Variants in CNTNAP3 observed in about 807,000 individuals in gnomAD.
CNTNAP3 encodes the protein contactin-associated protein-like 3.
A neutral mutation model predicts 92.1 loss-of-function variants in CNTNAP3; 36 were observed. The observed-to-expected ratio is 0.39, with a 90% CI of 0.30 to 0.52. The LOEUF (loss-of-function observed/expected upper bound fraction) is 0.52. Ranked by LOEUF, CNTNAP3 falls within the 20% of genes least tolerant of loss-of-function variation. The pLI is 0.76. For missense variants in CNTNAP3, 534 were observed against 1,069.6 expected (o/e 0.50, Z 6.98); for synonymous variants, 232 against 422.3 (o/e 0.55, Z 5.53).
At chr9:39,122,844 G>A (rs1416595455) in intron 13 of CNTNAP3, among the ~76,000 whole-genome samples, 1 of 151,960 alleles carries the variant, frequency 6.6e-6, no homozygotes, top group East Asian at 1.9e-4. Flanking sequence ...TGAAAAAGTG[G>A]GCAACATGCA....
At chr9:39,118,405 T>A in intron 13 of CNTNAP3, 146 bp from the exon 14 acceptor site, 1 of 1,189,318 alleles carries the variant, frequency 8.4e-7, no homozygotes, top group Non-Finnish European at 1.2e-6. Flanking sequence ...ACTTGTATTT[T>A]ACCTCTGAAA....
At position 39,150,011 on chromosome 9, in the gene CNTNAP3, C is replaced by A. The variant is rs774407879; in HGVS notation, c.1478-34G>T. 4 of 1,606,176 alleles carry A rather than the reference C, an allele frequency of 2.5e-6. No homozygotes were observed. In the African/African-American group the frequency reaches 4.0e-5, roughly 16 times the overall value. ...GAAGACAAAAATAGGACAAAAGCAA[C>A]AACTATGACAAAACTATTCCACAGT... On this transcript the variant is annotated intron_variant, in intron 9 of 23. Coordinates refer to ENST00000297668, the MANE Select transcript of CNTNAP3 (RefSeq NM_033655.5).
rs144021708 is a variant in CNTNAP3, at chr9:39,105,785, G to T, written c.2366-1871C>A. ...GGTGTTTAGAAGCCGAGATCTGCAG[G>T]CTATTTACTAGGGTGTCATTGCTTC... is the stretch of plus-strand genomic sequence containing the variant. On this transcript the variant is annotated intron_variant, in intron 15 of 23. Coordinates refer to ENST00000297668, the MANE Select transcript of CNTNAP3 (RefSeq NM_033655.5). Among the ~76,000 whole-genome samples, 4 of 151,640 alleles carry T rather than the reference G, an allele frequency of 2.6e-5. No individual in the cohort carries two copies. The South Asian group carries it at 6.3e-4, about 24-fold the overall frequency.
intron 17 of CNTNAP3, among the ~76,000 whole-genome samples, chr9:39,100,685 G>T (rs1012962516): frequency 1.2e-3 from 189 of 152,164 alleles, no homozygotes; most frequent in Non-Finnish European, 2.2e-4. Context: ...AGTTGGAAGG[G>T]GTGACACCGT....
At chr9:39,119,505 A>G (rs1237163657) in intron 13 of CNTNAP3, among the ~76,000 whole-genome samples, 1 of 152,196 alleles carries the variant, frequency 6.6e-6, no homozygotes, top group Non-Finnish European at 1.5e-5. Context: ...TTTAAAAGTT[A>G]CCGACTTCAC....
intron 9 of CNTNAP3, among the ~76,000 whole-genome samples, chr9:39,157,698 G>GA (rs889981934): frequency 5.8e-5 from 1 of 17,164 alleles, no homozygotes; most frequent in African/African-American, 2.3e-4. Flanking sequence ...AAGGATTCTG[G>GA]AAAAAAAAAT....
At chr9:39,140,373 G>T (rs1338673561) in intron 12 of CNTNAP3, 146 bp downstream of exon 12, 3 of 1,319,610 alleles carry the variant, frequency 2.3e-6, no homozygotes, top group South Asian at 1.7e-5. Context: ...AGAAAATTTT[G>T]TTGACAACAA....
intron 15 of CNTNAP3, among the ~76,000 whole-genome samples, chr9:39,107,817 C>T (rs1319995498): frequency 3.9e-5 from 6 of 152,122 alleles, no homozygotes; most frequent in African/African-American, 1.4e-4. Flanking sequence ...GTATTCAAAG[C>T]ATAATAAAAA....
chr9:39,132,493 G>A (rs1040931646), intron 13 of CNTNAP3, among the ~76,000 whole-genome samples: 2 of 152,210 alleles, frequency 1.3e-5, no homozygotes, highest in African/African-American at 2.4e-5. Flanking sequence ...GCTGAGGAAG[G>A]GCATATTCAG....
chr9:39,068,685 G>C lies in CNTNAP3; in HGVS notation c.*5205C>G, dbSNP rs1825567942. 2.6e-5 allele frequency among the ~76,000 whole-genome samples: 4 copies of C among 152,304 alleles called. No homozygotes were observed. On this transcript the variant is annotated 3_prime_UTR_variant, in exon 24 of 24. Transcript: ENST00000297668. ...CCGGTACTCTATCCTGCAATCTCTA[G>C]CCACCTTCGTGTACCTGAACTCTCA...
At chr9:39,148,055 G>A (rs1821745044) in intron 10 of CNTNAP3, among the ~76,000 whole-genome samples, 2 of 152,074 alleles carry the variant, frequency 1.3e-5, no homozygotes, top group African/African-American at 4.8e-5. Flanking sequence ...GAGCTCCCTG[G>A]CTAGTTAGCT....
chr9:39,144,234 G>A lies in CNTNAP3; in HGVS notation c.1756+6C>T. Reference sequence around the variant, plus strand: ...GACAGAAACGAGAGGGAGGCGTGAGGCTTACAGGAATGGCAGGTCTCGCCC... The same window carrying A: ...GACAGAAACGAGAGGGAGGCGTGAGACTTACAGGAATGGCAGGTCTCGCCC... On this transcript the variant is annotated splice_donor_region_variant and intron_variant, in intron 11 of 23. Transcript: ENST00000297668. The A allele has an allele frequency of 6.3e-7, 1 of 1,591,334 alleles. No individual in the cohort carries two copies. Among genetic ancestry groups the A allele is most frequent in the Non-Finnish European group, 8.5e-7 (1 of 1,169,714 alleles).
intron 12 of CNTNAP3, among the ~76,000 whole-genome samples, chr9:39,138,528 G>C (rs1299024177): frequency 6.6e-6 from 1 of 152,222 alleles, no homozygotes; most frequent in African/African-American, 2.4e-5. Flanking sequence ...CTTGAGGAAA[G>C]ACCTTGTTAA....
At chr9:39,141,859 A>G (rs528364823) in intron 11 of CNTNAP3, among the ~76,000 whole-genome samples, 77 of 152,182 alleles carry the variant, frequency 5.1e-4, no homozygotes, top group Non-Finnish European at 9.6e-4. Context: ...AATGTATAGT[A>G]TATATCAATT....
In CNTNAP3 at chr9:39,122,380, T is replaced by TA. The variant is rs796367226; in HGVS notation, c.2081-4122dup. Among the ~76,000 whole-genome samples, 1,310 of 150,324 alleles carry TA rather than the reference T, an allele frequency of 8.7e-3. 22 individuals carry two copies. Among genetic ancestry groups the TA allele is most frequent in the African/African-American group, 0.03 (1,236 of 41,016 alleles). On this transcript the variant is annotated intron_variant, in intron 13 of 23. Coordinates refer to ENST00000297668, the MANE Select transcript of CNTNAP3 (RefSeq NM_033655.5). ...AAAAATTAAAATAAAATAAAAACAT[T>TA]AAAAAAAAATGAGTATACGATGCTT...
At position 39,138,145 on chromosome 9, in the gene CNTNAP3, T is replaced by C. The variant is rs927265624; in HGVS notation, c.1876+2374A>G. On this transcript the variant is annotated intron_variant, in intron 12 of 23. Transcript: ENST00000297668. Reference sequence around the variant, plus strand: ...TCTCAGGCTATCTTCCCTCCTCAGCTTCTCAAAAAGTAATAGGATTATAGG... The same window carrying C: ...TCTCAGGCTATCTTCCCTCCTCAGCCTCTCAAAAAGTAATAGGATTATAGG... 7.2e-5 allele frequency among the ~76,000 whole-genome samples: 11 copies of C among 152,068 alleles called. 1 individual carries two copies. Among genetic ancestry groups the C allele is most frequent in the Non-Finnish European group, 1.5e-4 (10 of 68,010 alleles).
At chr9:39,120,470 A>G (rs144535418) in intron 13 of CNTNAP3, among the ~76,000 whole-genome samples, 10,344 of 152,042 alleles carry the variant, frequency 0.068, 419 homozygotes, top group East Asian at 0.12. Context: ...GTCAGATCGA[A>G]ACCATCCTGG....
intron 13 of CNTNAP3, among the ~76,000 whole-genome samples, chr9:39,130,661 A>C (rs1190882557): frequency 1.3e-5 from 2 of 152,066 alleles, no homozygotes; most frequent in Non-Finnish European, 2.9e-5. Context: ...CCTGCCACCA[A>C]GCCTGGCTAC....
intron 10 of CNTNAP3, among the ~76,000 whole-genome samples, chr9:39,146,739 A>G (rs1183528035): frequency 6.6e-6 from 1 of 151,706 alleles, no homozygotes; most frequent in Non-Finnish European, 1.5e-5. Context: ...ATAAACATCC[A>G]TTATTTGTGA....
Sources: allele counts gnomAD v4.1 joint callset (sites outside exome capture counted in the v4.1 genomes callset), GRCh38; gene constraint gnomAD v4.1.1; transcripts MANE v1.5; gene names NCBI Gene and HGNC (gene_info 2026-07-23, HGNC 2026-07-21).